INVS: variants seen among roughly 807,000 people sequenced by gnomAD.
INVS encodes the protein inversion of embryo turning homolog.
In INVS, 86 loss-of-function variants were observed where a neutral mutation model predicts 108.8. That is an observed-to-expected ratio of 0.79 (90% confidence interval 0.66 to 0.95). INVS has a LOEUF of 0.95. Ranked by LOEUF, INVS falls within the 40% of genes least tolerant of loss-of-function variation. The probability of loss-of-function intolerance (pLI) is 0.00; values close to 1 mark genes in which losing one functional copy is unlikely to be tolerated. For missense variants in INVS, 1,169 were observed against 1,297.4 expected, an observed-to-expected ratio of 0.90 and a Z score of 1.52; for synonymous variants, 455 against 473.5, an observed-to-expected ratio of 0.96 and a Z score of 0.51.
chr9:100,100,156 A>G (rs773492514), intron 1 of INVS, among the ~76,000 whole-genome samples: 5 of 152,110 alleles, frequency 3.3e-5, no homozygotes, highest in African/African-American at 4.8e-5. Context: ...ATTTTATAGC[A>G]CTTTATCAAA....
intron 2 of INVS, chr9:100,117,282 C>T (rs1228695637): frequency 8.2e-6 from 6 of 735,586 alleles, no homozygotes; most frequent in Non-Finnish European, 1.5e-5. Flanking sequence ...CTCTGGCCAG[C>T]ACGGGTCTGC....
intron 3 of INVS, chr9:100,129,815 C>T (rs958269894): frequency 1.9e-6 from 1 of 515,682 alleles, no homozygotes; most frequent in African/African-American, 1.9e-5. Flanking sequence ...AGAATACAAC[C>T]CTAACAGGAA....
In INVS at chr9:100,229,604, G is replaced by A. The variant is rs897685860; in HGVS notation, c.448-56G>A. The A allele has an allele frequency of 5.3e-6, 8 of 1,515,592 alleles. No individual in the cohort carries two copies. In the African/African-American group the frequency reaches 1.1e-4, roughly 21 times the overall value. The allele number at this position is 1,515,592 out of a possible 1,614,324, so 93.9% of individuals were successfully genotyped here. A position where few individuals can be genotyped will look rare whatever the true frequency, so the allele number is the denominator to read the frequency against. On this transcript the variant is annotated intron_variant, in intron 4 of 16. Coordinates refer to ENST00000262457, the MANE Select transcript of INVS (RefSeq NM_014425.5). Reference sequence around the variant, plus strand: ...TAACAGTGCCTGTCCCACAATAAAAGATTGGGGAAAGTTAGTTGTTACTGT... The same window carrying A: ...TAACAGTGCCTGTCCCACAATAAAAAATTGGGGAAAGTTAGTTGTTACTGT...
At chr9:100,241,245 G>T (rs1358262707) in intron 6 of INVS, among the ~76,000 whole-genome samples, 1 of 151,588 alleles carries the variant, frequency 6.6e-6, no homozygotes, top group Non-Finnish European at 1.5e-5. Context: ...TTTTCTTCTG[G>T]ATTCTGGGCT....
intron 10 of INVS, among the ~76,000 whole-genome samples, chr9:100,256,370 C>G (rs1832421844): frequency 6.6e-6 from 1 of 152,042 alleles, no homozygotes; most frequent in South Asian, 2.1e-4. Context: ...AAACCAGCTC[C>G]TGGATTCATT....
At chr9:100,249,139 A>G (rs925744631) in intron 8 of INVS, among the ~76,000 whole-genome samples, 3 of 152,066 alleles carry the variant, frequency 2.0e-5, no homozygotes, top group Admixed American at 6.6e-5. Flanking sequence ...CCAAATGAAA[A>G]TTTATAAAAC....
intron 3 of INVS, among the ~76,000 whole-genome samples, chr9:100,202,490 G>A (rs145079494): frequency 4.7e-4 from 71 of 152,260 alleles, no homozygotes; most frequent in African/African-American, 1.6e-3. Context: ...GAATGATAGA[G>A]TTTCCTGTTA....
In INVS at chr9:100,177,566, G is replaced by A. The variant is rs1356024482; in HGVS notation, c.274-48496G>A. 2.6e-5 allele frequency among the ~76,000 whole-genome samples: 4 copies of A among 152,188 alleles called. No homozygotes were observed. In the East Asian group the frequency reaches 7.7e-4, roughly 29 times the overall value. On this transcript the variant is annotated intron_variant, in intron 3 of 16. Coordinates refer to ENST00000262457, the MANE Select transcript of INVS (RefSeq NM_014425.5). ...TCAGCAAAGCTACTGCAGCCAGACT[G>A]CCTCTCTAGATTCCTCCTCTCTTGG...
chr9:100,257,903 G>T (rs528993805), intron 10 of INVS, among the ~76,000 whole-genome samples: 2 of 152,042 alleles, frequency 1.3e-5, no homozygotes, highest in African/African-American at 4.8e-5. Context: ...TGCTCTTCTC[G>T]AGGAGTATCT....
chr9:100,195,584 T>C (rs903877027), intron 3 of INVS, among the ~76,000 whole-genome samples: 1 of 151,904 alleles, frequency 6.6e-6, no homozygotes, highest in African/African-American at 2.4e-5. Flanking sequence ...ACCTTCCAGG[T>C]TCAAGCAATT....
chr9:100,296,841 T>G (rs1833805445), intron 14 of INVS, 76 bp from the exon 15 acceptor site: 1 of 1,181,940 alleles, frequency 8.5e-7, no homozygotes, highest in African/African-American at 1.5e-5. Flanking sequence ...CTCCTATAGC[T>G]TCTAGAAACC....
rs1338395586 is a variant in INVS at position 100,264,079 on chromosome 9, C to T, written c.1465-743C>T. ...AGCATTGTGATATCTTCCTTTTTGA[C>T]TCCTTTAACACTATGAAGTGTCCCT... On this transcript the variant is annotated intron_variant, in intron 10 of 16. Coordinates refer to ENST00000262457, the MANE Select transcript of INVS (RefSeq NM_014425.5). 2.6e-5 allele frequency among the ~76,000 whole-genome samples: 4 copies of T among 152,238 alleles called. No homozygotes were observed. In the East Asian group the frequency reaches 5.8e-4, roughly 22 times the overall value.
intron 3 of INVS, among the ~76,000 whole-genome samples, chr9:100,150,452 C>T (rs1421321850): frequency 6.6e-6 from 1 of 152,136 alleles, no homozygotes; most frequent in East Asian, 1.9e-4. Flanking sequence ...AAACCTACAG[C>T]TTGTTTTTCA....
chr9:100,232,975 C>A (rs1161699956), intron 5 of INVS, among the ~76,000 whole-genome samples: 2 of 152,128 alleles, frequency 1.3e-5, no homozygotes, highest in East Asian at 1.9e-4. Context: ...TATTGATTCT[C>A]CCTGTCCATG....
chr9:100,254,376 C>A (rs192609815), intron 10 of INVS, among the ~76,000 whole-genome samples: 5 of 152,274 alleles, frequency 3.3e-5, no homozygotes, highest in Admixed American at 6.5e-5. Context: ...TGCCTGTTCA[C>A]TCTGATGGTA....
intron 5 of INVS, among the ~76,000 whole-genome samples, chr9:100,235,471 A>G (rs1432165845): frequency 6.6e-6 from 1 of 152,088 alleles, no homozygotes; most frequent in Admixed American, 6.5e-5. Flanking sequence ...GTTGGTCTTT[A>G]TATATTGGTA....
chr9:100,264,775 C>T, intron 10 of INVS, 47 bp from the exon 11 acceptor site: 1 of 1,290,658 alleles, frequency 7.7e-7, no homozygotes, highest in Non-Finnish European at 1.1e-6. Flanking sequence ...ACCACATATC[C>T]AAAAATACTT....
intron 3 of INVS, among the ~76,000 whole-genome samples, chr9:100,173,096 G>A (rs1407937844): frequency 2.0e-5 from 3 of 152,184 alleles, no homozygotes; most frequent in Non-Finnish European, 4.4e-5. Flanking sequence ...TGATACAGCA[G>A]TACTCAACCA....
intron 10 of INVS, among the ~76,000 whole-genome samples, chr9:100,263,680 T>A (rs1832698543): frequency 6.6e-6 from 1 of 152,160 alleles, no homozygotes; most frequent in African/African-American, 2.4e-5. Flanking sequence ...TCATGTAACA[T>A]AACATATTCA....
Sources: allele counts gnomAD v4.1 joint callset (sites outside exome capture counted in the v4.1 genomes callset), GRCh38; gene constraint gnomAD v4.1.1; transcripts MANE v1.5; gene names NCBI Gene and HGNC (gene_info 2026-07-23, HGNC 2026-07-21).